The following RNF144A variants were observed in gnomAD, a reference collection of about 807,000 sequenced individuals.
RNF144A encodes the protein E3 ubiquitin-protein ligase RNF144A.
Under a neutral mutation model 38.7 loss-of-function variants are expected in RNF144A, and 11 were observed. The observed-to-expected ratio is 0.28, with a 90% CI of 0.18 to 0.47. The LOEUF is 0.47. Among genes scored for constraint, RNF144A ranks in the 20% least tolerant of loss-of-function variants. RNF144A has a pLI of 0.99. For synonymous variants in RNF144A, 149 were observed against 143.9 expected (o/e 1.04, Z -0.25); for missense variants, 316 against 377.2 (o/e 0.84, Z 1.34).
intron 7 of RNF144A, among the ~76,000 whole-genome samples, chr2:7,024,732 T>C (rs1265199647): frequency 2.0e-5 from 3 of 152,218 alleles, no homozygotes; most frequent in Non-Finnish European, 4.4e-5. Context: ...TCCTGGGGTC[T>C]AAACACTTCA....
At chr2:6,985,865 G>A (rs1187892141) in intron 2 of RNF144A, among the ~76,000 whole-genome samples, 9 of 152,036 alleles carry the variant, frequency 5.9e-5, no homozygotes, top group South Asian at 2.1e-4. Context: ...TAGTAGAGGC[G>A]GGGTTTCACC....
chr2:6,930,487 T>TAC (rs1320388149), intron 1 of RNF144A, among the ~76,000 whole-genome samples: 1 of 152,086 alleles, frequency 6.6e-6, no homozygotes, highest in Non-Finnish European at 1.5e-5. Flanking sequence ...TCCATATATA[T>TAC]ACACACACAT....
intron 3 of RNF144A, among the ~76,000 whole-genome samples, chr2:7,007,936 A>G (rs1670556302): frequency 6.6e-6 from 1 of 152,182 alleles, no homozygotes; most frequent in Non-Finnish European, 1.5e-5. Flanking sequence ...GCATTCTCTC[A>G]GAAGTCTTCC....
At chr2:6,929,142 A>G (rs1665059790) in intron 1 of RNF144A, among the ~76,000 whole-genome samples, 1 of 152,228 alleles carries the variant, frequency 6.6e-6, no homozygotes, top group African/African-American at 2.4e-5. Flanking sequence ...TATGTCAACA[A>G]AATTGAACTG....
In RNF144A at chr2:6,917,474, G is replaced by T. The variant is rs1031533366; in HGVS notation, c.-360G>T. ...CTCCCCGCGCGGGCTCTCGGCAGGCGGGAGGCGGCAGGGCTGGCATTGCAG... is the reference window on the plus strand; with the variant it reads ...CTCCCCGCGCGGGCTCTCGGCAGGCTGGAGGCGGCAGGGCTGGCATTGCAG... On this transcript the variant is annotated 5_prime_UTR_variant, in exon 1 of 9. Transcript: ENST00000320892. The surrounding 1 kb of genome is among the most constrained non-coding windows in gnomAD (Gnocchi z 4.8). 1 of 147,256 alleles carries T rather than the reference G, an allele frequency of 6.8e-6. No homozygotes were observed. Among genetic ancestry groups the T allele is most frequent in the African/African-American group, 2.4e-5 (1 of 40,944 alleles). The allele number at this position is 147,256 out of a possible 1,614,324, so 9.1% of individuals were successfully genotyped here. A position where few individuals can be genotyped will look rare whatever the true frequency, so the allele number is the denominator to read the frequency against.
At position 6,917,978 on chromosome 2, in the gene RNF144A, C is replaced by T. The variant is rs566250034; in HGVS notation, c.-212+356C>T. Among the ~76,000 whole-genome samples, 1 of 151,644 alleles carries T rather than the reference C, an allele frequency of 6.6e-6. No homozygotes were observed. The highest frequency in any genetic ancestry group is 2.0e-4 in the East Asian group (1 of 5,082). On this transcript the variant is annotated intron_variant, in intron 1 of 8. Transcript: ENST00000320892. The surrounding 1 kb of genome is among the most constrained non-coding windows in gnomAD (Gnocchi z 4.8). Reference sequence around the variant, plus strand: ...CCTGCGCGGTCGCGGGTCTGCGCTGCGGCGCGGGACAGGGCGCCCCGGGCC... The same window carrying T: ...CCTGCGCGGTCGCGGGTCTGCGCTGTGGCGCGGGACAGGGCGCCCCGGGCC...
rs373649202 is a variant in RNF144A, at chr2:7,039,771, A to G, written c.*11A>G. 49 of 1,611,864 alleles carry G rather than the reference A, an allele frequency of 3.0e-5. No homozygotes were observed. The highest frequency in any genetic ancestry group is 1.7e-4 in the Admixed American group (10 of 59,928). Reference sequence around the variant, plus strand: ...CCGTTACCCACCTAGAGGAAGCGCGATGCTGGAACACATCCCTGCCTCCGG... The same window carrying G: ...CCGTTACCCACCTAGAGGAAGCGCGGTGCTGGAACACATCCCTGCCTCCGG... On this transcript the variant is annotated 3_prime_UTR_variant, in exon 9 of 9. Transcript: ENST00000320892.
chr2:7,064,830 T>G (rs1486485133), intron 6 of RNF144A, among the ~76,000 whole-genome samples: 1 of 152,198 alleles, frequency 6.6e-6, no homozygotes, highest in Non-Finnish European at 1.5e-5. Context: ...GAAAGGAATA[T>G]TCACATGGAT....
intron 2 of RNF144A, among the ~76,000 whole-genome samples, chr2:6,977,984 C>T (rs148244626): frequency 5.3e-4 from 81 of 152,144 alleles, no homozygotes; most frequent in African/African-American, 1.8e-3. Flanking sequence ...ATCTGGGAGA[C>T]GTCTTGTGAA....
At position 6,962,793 on chromosome 2, in the gene RNF144A, A is replaced by G. The variant is rs1201118693; in HGVS notation, c.-12+21646A>G. On this transcript the variant is annotated intron_variant, in intron 2 of 8. Transcript: ENST00000320892. This position sits in a 1 kb window ranked among gnomAD's most constrained non-coding sequence, Gnocchi z 4.1. ...GGCAATACCTTTTCCATTACTGAGC[A>G]CAGGCATTCATGCACAGAAGGTCCT... 6.6e-6 allele frequency among the ~76,000 whole-genome samples: 1 copy of G among 152,244 alleles called. No homozygotes were observed. The highest frequency in any genetic ancestry group is 6.5e-5 in the Admixed American group (1 of 15,292).
intron 3 of RNF144A, among the ~76,000 whole-genome samples, chr2:7,001,281 C>T (rs1357976577): frequency 2.0e-5 from 3 of 151,692 alleles, no homozygotes; most frequent in Non-Finnish European, 2.9e-5. Flanking sequence ...GCCTGGGCAA[C>T]AAAAGTGAAA....
At chr2:7,047,504 T>C (rs1352210342), downstream of RNF144A, among the ~76,000 whole-genome samples, 1 of 152,154 alleles carries the variant, frequency 6.6e-6, no homozygotes, top group Non-Finnish European at 1.5e-5. Context: ...TCACATCTCG[T>C]GAGACTTCTT....
intron 6 of RNF144A, among the ~76,000 whole-genome samples, chr2:7,065,611 A>G (rs1003047810): frequency 2.6e-5 from 4 of 152,252 alleles, no homozygotes; most frequent in Admixed American, 1.3e-4. Flanking sequence ...TTAAAATTAT[A>G]TGAAAATGCA....
chr2:7,040,828 T>G lies in RNF144A; in HGVS notation c.*1068T>G, dbSNP rs1673002129. ...ATGTTCTAGTCATTTTGAGAAATCA[T>G]ATATCTTACACAGTTCCAAGTCCTG... On this transcript the variant is annotated 3_prime_UTR_variant, in exon 9 of 9. Coordinates refer to ENST00000320892, the MANE Select transcript of RNF144A (RefSeq NM_014746.6). 1.0e-6 allele frequency: 1 copy of G among 985,370 alleles called. No homozygotes were observed. The highest frequency in any genetic ancestry group is 4.7e-5 in the South Asian group (1 of 21,298). The allele number at this position is 985,370 out of a possible 1,614,324, so 61.0% of individuals were successfully genotyped here.
chr2:6,934,677 C>T (rs1401680529), intron 1 of RNF144A, among the ~76,000 whole-genome samples: 1 of 152,086 alleles, frequency 6.6e-6, no homozygotes, highest in Non-Finnish European at 1.5e-5. Context: ...AGCTATTTGT[C>T]TGAAAACTGT....
intron 2 of RNF144A, among the ~76,000 whole-genome samples, chr2:6,948,355 C>A (rs1666472279): frequency 6.6e-6 from 1 of 152,190 alleles, no homozygotes; most frequent in Non-Finnish European, 1.5e-5. Context: ...GCCCAGAGGT[C>A]TAGGGACACA....
At chr2:6,956,676 C>T (rs148767201) in intron 2 of RNF144A, among the ~76,000 whole-genome samples, 75 of 152,178 alleles carry the variant, frequency 4.9e-4, no homozygotes, top group African/African-American at 1.6e-3. Context: ...TGTTGGGATA[C>T]CCTGTTCTAA....
rs769688067 is a variant in RNF144A at position 7,040,994 on chromosome 2, C to A, written c.*1234C>A. ...CAGGATGCAGGGATTAATAAGGACACATACACATTATTCCACCAATTGACT... is the reference window on the plus strand; with the variant it reads ...CAGGATGCAGGGATTAATAAGGACAAATACACATTATTCCACCAATTGACT... On this transcript the variant is annotated 3_prime_UTR_variant, in exon 9 of 9. Transcript: ENST00000320892. 1.0e-6 allele frequency: 1 copy of A among 985,150 alleles called. No individual in the cohort carries two copies. Among genetic ancestry groups the A allele is most frequent in the Non-Finnish European group, 1.2e-6 (1 of 829,676 alleles). 61.0% of individuals were successfully genotyped at this position (985,150 alleles called of 1,614,324 possible).
At chr2:6,963,572 A>C (rs1667475023) in intron 2 of RNF144A, among the ~76,000 whole-genome samples, 1 of 152,210 alleles carries the variant, frequency 6.6e-6, no homozygotes, top group Admixed American at 6.5e-5. Flanking sequence ...CTGTTTCCAA[A>C]AATGACCGAA....
Sources: allele counts gnomAD v4.1 joint callset (sites outside exome capture counted in the v4.1 genomes callset), GRCh38; gene constraint gnomAD v4.1.1; non-coding constraint Gnocchi (gnomAD v3.1); transcripts MANE v1.5; gene names NCBI Gene and HGNC (gene_info 2026-07-23, HGNC 2026-07-21).